Variants in NRXN3 observed in about 807,000 individuals in gnomAD.
NRXN3 encodes neurexin III.
In NRXN3, 32 loss-of-function variants were observed where a neutral mutation model predicts 137.6. The ratio of observed to expected loss-of-function variants is 0.23; its 90% CI spans 0.18 to 0.31. NRXN3 has a LOEUF of 0.31. Ranked by LOEUF, NRXN3 falls within the 10% of genes least tolerant of loss-of-function variation. The pLI is 1.00. For synonymous variants in NRXN3, 798 were observed against 784.5 expected, an observed-to-expected ratio of 1.02 and a Z score of -0.29; for missense variants, 1,574 against 2,062.5, an observed-to-expected ratio of 0.76 and a Z score of 4.59.
At chr14:78,927,271 A>G (rs189319276) in intron 10 of NRXN3, among the ~76,000 whole-genome samples, 16 of 151,858 alleles carry the variant, frequency 1.1e-4, no homozygotes, top group Non-Finnish European at 2.2e-4. Context: ...TGCCTCTGAC[A>G]ATGCTTTTCC....
intron 4 of NRXN3, among the ~76,000 whole-genome samples, chr14:78,623,072 A>T (rs546339555): frequency 6.6e-6 from 1 of 152,356 alleles, no homozygotes; most frequent in South Asian, 2.1e-4. Context: ...ACTGAAGCTT[A>T]AAGAGATTAA....
At chr14:78,396,530 C>T (rs1016032847) in intron 4 of NRXN3, among the ~76,000 whole-genome samples, 3 of 152,170 alleles carry the variant, frequency 2.0e-5, no homozygotes, top group African/African-American at 7.2e-5. Context: ...GCAATAACTT[C>T]TTTCAGTTTT....
intron 1 of NRXN3, among the ~76,000 whole-genome samples, chr14:78,214,548 C>T (rs2063066800): frequency 6.6e-6 from 1 of 152,122 alleles, no homozygotes; most frequent in South Asian, 2.1e-4. Context: ...CGGACACACT[C>T]GGGATGCTTA....
intron 19 of NRXN3, among the ~76,000 whole-genome samples, chr14:79,730,227 C>T (rs1417451853): frequency 2.6e-5 from 4 of 152,160 alleles, no homozygotes; most frequent in Non-Finnish European, 4.4e-5. Context: ...CTTTGTGCCA[C>T]AGCATCCCAC....
At chr14:79,516,025 A>G (rs530213059) in intron 16 of NRXN3, among the ~76,000 whole-genome samples, 1 of 152,206 alleles carries the variant, frequency 6.6e-6, no homozygotes, top group African/African-American at 2.4e-5. Flanking sequence ...CTTTCAAGCT[A>G]AACTGCCCCT....
chr14:78,733,881 T>C (rs1410859134), intron 8 of NRXN3, among the ~76,000 whole-genome samples: 1 of 152,136 alleles, frequency 6.6e-6, no homozygotes, highest in Non-Finnish European at 1.5e-5. Flanking sequence ...TTCAAGGAGC[T>C]CAAGGTCACC....
intron 4 of NRXN3, among the ~76,000 whole-genome samples, chr14:78,588,655 G>C (rs970331160): frequency 6.6e-6 from 1 of 152,212 alleles, no homozygotes; most frequent in Non-Finnish European, 1.5e-5. Flanking sequence ...TATAGCAGTA[G>C]AGCAAGAATC....
intron 15 of NRXN3, among the ~76,000 whole-genome samples, chr14:79,320,797 G>A (rs143561103): frequency 4.6e-5 from 7 of 151,948 alleles, no homozygotes; most frequent in East Asian, 1.9e-4. Context: ...CCAACAAAAC[G>A]TGTCATATGT....
chr14:78,719,724 C>A (rs2098450788), intron 8 of NRXN3, among the ~76,000 whole-genome samples: 1 of 152,128 alleles, frequency 6.6e-6, no homozygotes, highest in African/African-American at 2.4e-5. Flanking sequence ...TGCCTGCAAT[C>A]CCAGCTACTC....
At position 79,471,625 on chromosome 14, in the gene NRXN3, T is replaced by C. The variant is rs1419718557; in HGVS notation, c.3444+4223T>C. Among the ~76,000 whole-genome samples, 2 of 152,154 alleles carry C rather than the reference T, an allele frequency of 1.3e-5. 1 individual carries two copies. The highest frequency in any genetic ancestry group is 4.8e-5 in the African/African-American group (2 of 41,436). On this transcript the variant is annotated intron_variant, in intron 16 of 20. Transcript: ENST00000335750. Reference sequence around the variant, plus strand: ...CATACCAGCCTAAAGTCAGCTCCTGTGACAGAATTTAAGTTTTGATAGGAG... The same window carrying C: ...CATACCAGCCTAAAGTCAGCTCCTGCGACAGAATTTAAGTTTTGATAGGAG...
At chr14:79,523,533 G>GA (rs1305211413) in intron 16 of NRXN3, among the ~76,000 whole-genome samples, 1 of 152,008 alleles carries the variant, frequency 6.6e-6, no homozygotes, top group Non-Finnish European at 1.5e-5. Context: ...CTCCACTAAA[G>GA]AAAAAAATGG....
At position 79,470,919 on chromosome 14, in the gene NRXN3, T is replaced by TGTGTGA. The variant is rs1555467278; in HGVS notation, c.3444+3518_3444+3519insTGTGAG. Among the ~76,000 whole-genome samples the TGTGTGA allele has an allele frequency of 8.7e-3, 1,143 of 131,362 alleles. 24 individuals are homozygous for TGTGTGA. Among genetic ancestry groups the TGTGTGA allele is most frequent in the African/African-American group, 0.033 (1,007 of 30,278 alleles). The allele number at this position is 131,362 out of a possible 152,430, so 86.2% of individuals were successfully genotyped here. On this transcript the variant is annotated intron_variant, in intron 16 of 20. Coordinates refer to ENST00000335750, the MANE Select transcript of NRXN3 (RefSeq NM_001330195.2). ...GAGAGAGAGTGTGTGTGTGTGTGTG[T>TGTGTGA]GAGAGAGAGAGAGAGAGAGAAAGAG...
At chr14:79,130,122 C>T (rs2057226853) in intron 15 of NRXN3, among the ~76,000 whole-genome samples, 1 of 151,024 alleles carries the variant, frequency 6.6e-6, no homozygotes, top group South Asian at 2.1e-4. Context: ...TGGGTCTTGA[C>T]TCTTTATCCA....
intron 8 of NRXN3, among the ~76,000 whole-genome samples, chr14:78,765,808 C>G (rs925916994): frequency 2.6e-5 from 4 of 152,100 alleles, no homozygotes; most frequent in Admixed American, 6.6e-5. Context: ...TCCATTATTT[C>G]TTTGGCTAAG....
rs915582396 is a variant in NRXN3, at chr14:79,719,404, A to ATATATATGTGTG, written c.4014+21474_4014+21475insGTGTGTATATAT. ...TATGTGTGTGTATATATATGTGTGT[A>ATATATATGTGTG]TATATATATATATATACCTTTCCCA... On this transcript the variant is annotated intron_variant, in intron 19 of 20. Transcript: ENST00000335750. Among the ~76,000 whole-genome samples, 8 of 149,852 alleles carry ATATATATGTGTG rather than the reference A, an allele frequency of 5.3e-5. No individual in the cohort carries two copies. In the East Asian group the frequency reaches 5.9e-4, roughly 11 times the overall value.
chr14:78,440,656 G>A (rs899776816), intron 4 of NRXN3, among the ~76,000 whole-genome samples: 8 of 152,100 alleles, frequency 5.3e-5, no homozygotes, highest in East Asian at 3.9e-4. Flanking sequence ...AACTATGTTC[G>A]TCCTGTAGGC....
At chr14:78,297,493 T>C (rs139389364) in intron 3 of NRXN3, among the ~76,000 whole-genome samples, 18 of 152,298 alleles carry the variant, frequency 1.2e-4, no homozygotes, top group African/African-American at 4.3e-4. Flanking sequence ...ACTTAATCTT[T>C]AACAGATTTA....
At chr14:79,385,734 G>A (rs1474991934) in intron 15 of NRXN3, among the ~76,000 whole-genome samples, 1 of 152,070 alleles carries the variant, frequency 6.6e-6, no homozygotes, top group Admixed American at 6.5e-5. Flanking sequence ...ATGTACCCCT[G>A]AACTTAAAAT....
At chr14:78,514,718 A>G (rs1179179880) in intron 4 of NRXN3, among the ~76,000 whole-genome samples, 2 of 152,182 alleles carry the variant, frequency 1.3e-5, no homozygotes, top group Non-Finnish European at 2.9e-5. Flanking sequence ...ACACAGTAAT[A>G]TCGTATAGTC....
Sources: allele counts gnomAD v4.1 joint callset (sites outside exome capture counted in the v4.1 genomes callset), GRCh38; gene constraint gnomAD v4.1.1; transcripts MANE v1.5; gene names NCBI Gene and HGNC (gene_info 2026-07-23, HGNC 2026-07-21).